The following PRKD1 variants were observed in gnomAD, a reference collection of about 807,000 sequenced individuals.
PRKD1 encodes serine/threonine-protein kinase D1.
Under a neutral mutation model 95.9 loss-of-function variants are expected in PRKD1, and 63 were observed. The observed-to-expected ratio is 0.66, with a 90% CI of 0.54 to 0.81. The LOEUF (loss-of-function observed/expected upper bound fraction) is 0.81, where lower values mean the gene tolerates loss of function less well. Ranked by LOEUF, PRKD1 falls within the 30% of genes least tolerant of loss-of-function variation. The pLI, the probability that PRKD1 is intolerant of heterozygous loss-of-function variation, is 0.00. For synonymous variants in PRKD1, 425 were observed against 423.1 expected (o/e 1.00, Z -0.05); for missense variants, 1,048 against 1,165.3 (o/e 0.90, Z 1.47).
chr14:29,585,182 C>A lies in PRKD1; in HGVS notation c.2435-6822G>T, dbSNP rs1012127138. On this transcript the variant is annotated intron_variant, in intron 16 of 17. Transcript: ENST00000331968. Reference sequence around the variant, plus strand: ...TGTGTTTATTTTAAAAATCGTTTTGCAACCCTTCACATTCCAGCTCTCAAC... The same window carrying A: ...TGTGTTTATTTTAAAAATCGTTTTGAAACCCTTCACATTCCAGCTCTCAAC... Among the ~76,000 whole-genome samples, 5 of 152,176 alleles carry A rather than the reference C, an allele frequency of 3.3e-5. No homozygotes were observed. In the East Asian group the frequency reaches 9.7e-4, roughly 29 times the overall value.
chr14:29,643,724 A>G (rs898017460), intron 4 of PRKD1, among the ~76,000 whole-genome samples: 2 of 152,246 alleles, frequency 1.3e-5, no homozygotes, highest in Non-Finnish European at 1.5e-5. Flanking sequence ...TAAGCTAGAA[A>G]ACACAGAGGA....
At chr14:29,777,735 C>G (rs755120451) in intron 1 of PRKD1, among the ~76,000 whole-genome samples, 1 of 152,064 alleles carries the variant, frequency 6.6e-6, no homozygotes, top group Admixed American at 6.6e-5. Flanking sequence ...GACAGATCAA[C>G]GAGACAGAAA....
At chr14:29,612,905 T>G (rs1232463505) in intron 13 of PRKD1, among the ~76,000 whole-genome samples, 2 of 152,148 alleles carry the variant, frequency 1.3e-5, no homozygotes, top group African/African-American at 4.8e-5. Flanking sequence ...GAGACCATCC[T>G]GGCTAACAAG....
At chr14:29,768,554 A>C (rs12886559) in intron 1 of PRKD1, among the ~76,000 whole-genome samples, 22,601 of 152,096 alleles carry the variant, frequency 0.15, 1,997 homozygotes, top group South Asian at 0.23. Context: ...ATCTGTAAAG[A>C]TGACCACTGA....
At chr14:29,727,319 C>T (rs1056451153) in intron 1 of PRKD1, among the ~76,000 whole-genome samples, 9 of 151,994 alleles carry the variant, frequency 5.9e-5, no homozygotes, top group Non-Finnish European at 1.2e-4. Context: ...GAGTAGGTTG[C>T]GAAAATCTTC....
intron 1 of PRKD1, 32 bp downstream of exon 1, chr14:29,927,204 TGCGCCGCGGGGAG>T (rs2139151228): frequency 6.9e-7 from 1 of 1,449,468 alleles, no homozygotes; most frequent in East Asian, 3.2e-5. Context: ...CAGCGCCCCC[TGCGCCGCGGGGAG>T]GCGCCGGGCT....
chr14:29,791,176 T>A (rs1167879129), intron 1 of PRKD1, among the ~76,000 whole-genome samples: 1 of 152,208 alleles, frequency 6.6e-6, no homozygotes, highest in East Asian at 1.9e-4. Context: ...TTGACCATTT[T>A]TTCCTTGTAG....
chr14:29,774,172 A>C (rs528888969), intron 1 of PRKD1, among the ~76,000 whole-genome samples: 1 of 152,226 alleles, frequency 6.6e-6, no homozygotes, highest in Non-Finnish European at 1.5e-5. Context: ...GTGCAGGGCA[A>C]TGACAAAAGA....
intron 13 of PRKD1, among the ~76,000 whole-genome samples, chr14:29,623,289 C>T (rs1879398797): frequency 6.6e-6 from 1 of 152,110 alleles, no homozygotes. Flanking sequence ...CATGAGCTCC[C>T]TTAGGACAGA....
chr14:29,836,524 G>A (rs45481195), intron 1 of PRKD1, among the ~76,000 whole-genome samples: 23 of 152,296 alleles, frequency 1.5e-4, no homozygotes, highest in Admixed American at 1.5e-3. Flanking sequence ...GCAAGCTTGG[G>A]TGCTAGAACA....
Position 29,650,056 on chromosome 14 carries a change from C to T in PRKD1, c.697-11152G>A, listed in dbSNP as rs534986737. Among the ~76,000 whole-genome samples, 65 of 152,262 alleles carry T rather than the reference C, an allele frequency of 4.3e-4. 1 individual carries two copies. Among genetic ancestry groups the T allele is most frequent in the African/African-American group, 1.4e-3 (59 of 41,550 alleles). ...CCTGGTTGGGGTAGCGAGCCACTCT[C>T]GCCACTTCCAGTTTCCTAGTTGGGG... On this transcript the variant is annotated intron_variant, in intron 4 of 17. Coordinates refer to ENST00000331968, the MANE Select transcript of PRKD1 (RefSeq NM_002742.3).
chr14:29,859,304 T>C (rs1892620193), intron 1 of PRKD1, among the ~76,000 whole-genome samples: 2 of 151,890 alleles, frequency 1.3e-5, no homozygotes, highest in African/African-American at 2.4e-5. Flanking sequence ...AGCCCGTCTC[T>C]ACTAAAAATA....
intron 12 of PRKD1, among the ~76,000 whole-genome samples, chr14:29,624,628 T>C (rs1044825329): frequency 2.0e-5 from 3 of 152,144 alleles, no homozygotes; most frequent in African/African-American, 7.2e-5. Context: ...AAAGTCCTGA[T>C]AAGATAATGT....
Position 29,725,643 on chromosome 14 carries a change from T to C in PRKD1, c.296A>G (p.Asp99Gly), listed in dbSNP as rs748884789. The change falls in exon 2 of 18, where the codon GAT (aspartate) becomes GGT (glycine). Residue 99 changes from aspartate (D) to glycine (G), a missense_variant. By Grantham distance (94) the Asp-to-Gly change is moderately conservative. Coordinates refer to ENST00000331968, the MANE Select transcript of PRKD1 (RefSeq NM_002742.3). Reference sequence around the variant, plus strand: ...GTCATGGCGAAAAAGCAGGATCTTATCATACATTCCGTAGAAACCACATTC... The same window carrying C: ...GTCATGGCGAAAAAGCAGGATCTTACCATACATTCCGTAGAAACCACATTC... ...FPECGFYGMY[D>G]KILLFRHDPT... 3 of 1,613,694 alleles carry C rather than the reference T, an allele frequency of 1.9e-6. No homozygotes were observed. Among genetic ancestry groups the C allele is most frequent in the East Asian group, 2.2e-5 (1 of 44,860 alleles).
intron 1 of PRKD1, among the ~76,000 whole-genome samples, chr14:29,924,510 T>C (rs555778289): frequency 6.6e-6 from 1 of 152,320 alleles, no homozygotes; most frequent in African/African-American, 2.4e-5. Context: ...ATATTTCCAA[T>C]GCTCGTATGA....
At chr14:29,648,350 T>C (rs1881269628) in intron 4 of PRKD1, among the ~76,000 whole-genome samples, 1 of 151,948 alleles carries the variant, frequency 6.6e-6, no homozygotes, top group African/African-American at 2.4e-5. Context: ...GGCCTGGTAC[T>C]TGGTTAAGGC....
At chr14:29,846,752 G>A (rs1892093650) in intron 1 of PRKD1, among the ~76,000 whole-genome samples, 1 of 152,198 alleles carries the variant, frequency 6.6e-6, no homozygotes, top group Non-Finnish European at 1.5e-5. Context: ...TGGTTGACTG[G>A]CAGGTGAGAG....
At chr14:29,878,433 C>T (rs892743020) in intron 1 of PRKD1, among the ~76,000 whole-genome samples, 2 of 149,700 alleles carry the variant, frequency 1.3e-5, no homozygotes, top group African/African-American at 4.9e-5. Flanking sequence ...AGTGAAAACA[C>T]GGATTCAAAC....
Position 29,597,594 on chromosome 14 carries a change from T to C in PRKD1, c.2331A>G (p.Leu777=). 6.2e-7 allele frequency: 1 copy of C among 1,614,062 alleles called. No individual in the cohort carries two copies. Among genetic ancestry groups the C allele is most frequent in the Non-Finnish European group, 8.5e-7 (1 of 1,179,972 alleles). The change falls in exon 16 of 18, where the codon CTA becomes CTG. Residue 777 remains leucine, a synonymous_variant. Coordinates refer to ENST00000331968, the MANE Select transcript of PRKD1 (RefSeq NM_002742.3). ...CTTCATTAAATGGGAATGTGCCGCTTAGGCTTACATAGATGATGACCCCAA... is the reference window on the plus strand; with the variant it reads ...CTTCATTAAATGGGAATGTGCCGCTCAGGCTTACATAGATGATGACCCCAA... The part of the protein sequence containing the change: ...WSVGVIIYVS[L]SGTFPFNEDE...
Sources: gnomAD v4.1 joint callset for allele counts (sites outside exome capture counted in the v4.1 genomes callset) on GRCh38, gnomAD v4.1.1 for gene constraint, MANE v1.5 for transcripts, NCBI Gene and HGNC (gene_info 2026-07-23, HGNC 2026-07-21) for gene names.